Variants in CFAP47 observed in about 807,000 individuals in gnomAD.
The protein encoded by CFAP47 is cilia- and flagella-associated protein 47.
Under a neutral mutation model 148.1 loss-of-function variants are expected in CFAP47, and 29 were observed. The observed-to-expected ratio is 0.20, with a 90% CI of 0.15 to 0.27. The LOEUF is 0.27. Among genes scored for constraint, CFAP47 ranks in the 10% least tolerant of loss-of-function variants. The pLI, the probability that CFAP47 is intolerant of heterozygous loss-of-function variation, is 1.00. For synonymous variants in CFAP47, 664 were observed against 577.3 expected (o/e 1.15, Z -2.15); for missense variants, 1,872 against 1,697.5 (o/e 1.10, Z -1.81).
chrX:36,069,084 A>G (rs1156355604), intron 27 of CFAP47, among the ~76,000 whole-genome samples: 1 of 111,355 alleles, frequency 9.0e-6, no homozygotes, highest in Non-Finnish European at 1.9e-5. Flanking sequence ...CACACAAACT[A>G]GATGATGGCA....
At chrX:36,371,643 T>TGTGTATATATGTGTGTATACACAC (rs1941940824) in intron 62 of CFAP47, among the ~76,000 whole-genome samples, 1 of 79,860 alleles carries the variant, frequency 1.3e-5, no homozygotes, top group African/African-American at 5.5e-5. Context: ...TATACACACA[T>TGTGTATATATGTGTGTATACACAC]ATGTGTATAT....
At chrX:35,983,137 G>A (rs1936669177) in intron 15 of CFAP47, among the ~76,000 whole-genome samples, 1 of 111,459 alleles carries the variant, frequency 9.0e-6, no homozygotes. Flanking sequence ...CTAACGTTTT[G>A]TAATTCTCAT....
intron 39 of CFAP47, among the ~76,000 whole-genome samples, chrX:36,173,261 C>T (rs779949644): frequency 9.0e-6 from 1 of 111,471 alleles, no homozygotes; most frequent in African/African-American, 3.3e-5. Flanking sequence ...CTCCTGGATT[C>T]GTTAATTTTT....
chrX:36,185,821 G>A (rs1939800827), intron 40 of CFAP47, among the ~76,000 whole-genome samples: 2 of 111,347 alleles, frequency 1.8e-5, no homozygotes, highest in African/African-American at 3.3e-5. Flanking sequence ...GTGAGAATGG[G>A]CAAAGAGAGA....
At chrX:36,126,145 TG>T (rs1357526308) in intron 33 of CFAP47, among the ~76,000 whole-genome samples, 1 of 109,676 alleles carries the variant, frequency 9.1e-6, no homozygotes, top group Non-Finnish European at 1.9e-5. Flanking sequence ...CGTGCAGTTT[TG>T]TTACATAGGT....
At chrX:36,375,301 G>T in intron 62 of CFAP47, 1 of 151,845 alleles carries the variant, frequency 6.6e-6, no homozygotes, top group Non-Finnish European at 1.3e-5. Flanking sequence ...TGGTTGTTCA[G>T]GTGCGTGTTA....
intron 30 of CFAP47, among the ~76,000 whole-genome samples, chrX:36,088,787 A>C (rs1019343044): frequency 9.0e-6 from 1 of 111,429 alleles, no homozygotes. Context: ...TTATCATTTT[A>C]TGATTAATTA....
intron 17 of CFAP47, among the ~76,000 whole-genome samples, 193 bp downstream of exon 17, chrX:35,992,136 C>G (rs894288811): frequency 2.7e-5 from 3 of 111,182 alleles, no homozygotes; most frequent in Non-Finnish European, 5.7e-5. Context: ...CTTAGCCTCC[C>G]TGTTTCTTCT....
chrX:35,929,823 A>G (rs748489745), intron 2 of CFAP47, among the ~76,000 whole-genome samples: 7 of 109,607 alleles, frequency 6.4e-5, no homozygotes, highest in Non-Finnish European at 1.3e-4. Context: ...ACATGGAGAA[A>G]CCTCGTCTCT....
chrX:36,209,380 C>T (rs1255325273), intron 45 of CFAP47, among the ~76,000 whole-genome samples: 1 of 111,289 alleles, frequency 9.0e-6, no homozygotes, highest in Non-Finnish European at 1.9e-5. Flanking sequence ...AGGATTGCCA[C>T]AATTGTAAAG....
At chrX:36,231,040 A>G (rs1413124117) in intron 46 of CFAP47, among the ~76,000 whole-genome samples, 1 of 105,620 alleles carries the variant, frequency 9.5e-6, no homozygotes, top group Non-Finnish European at 1.9e-5. Flanking sequence ...GAAGTCAGGT[A>G]GTGTGATGCC....
intron 27 of CFAP47, among the ~76,000 whole-genome samples, chrX:36,068,986 T>G (rs1937696305): frequency 9.1e-6 from 1 of 109,550 alleles, no homozygotes; most frequent in African/African-American, 3.3e-5. Context: ...AAAGATTTTT[T>G]TGACGAATAT....
chrX:36,222,106 TAAC>T (rs1486605644), intron 45 of CFAP47, among the ~76,000 whole-genome samples: 4 of 111,736 alleles, frequency 3.6e-5, no homozygotes, highest in Non-Finnish European at 7.5e-5. Flanking sequence ...AATGTGCACT[TAAC>T]AACTTTTCAG....
At chrX:35,980,533 C>T (rs1936628470) in intron 15 of CFAP47, among the ~76,000 whole-genome samples, 1 of 112,052 alleles carries the variant, frequency 8.9e-6, no homozygotes, top group Non-Finnish European at 1.9e-5. Context: ...AATTCCTGAT[C>T]ATCTTTCATG....
chrX:36,324,066 C>T (rs1243390686), intron 57 of CFAP47, among the ~76,000 whole-genome samples: 2 of 111,596 alleles, frequency 1.8e-5, no homozygotes, highest in Non-Finnish European at 3.8e-5. Context: ...AGTGAAGAAT[C>T]TTAACCTGCC....
intron 57 of CFAP47, among the ~76,000 whole-genome samples, chrX:36,322,070 C>T (rs1231203650): frequency 9.1e-6 from 1 of 110,406 alleles, no homozygotes; most frequent in South Asian, 3.8e-4. Flanking sequence ...TTTGATTGCC[C>T]CTCACTTAAT....
rs187670737 is a variant in CFAP47, at chrX:36,239,122, A to G, written c.7332+2263A>G. On this transcript the variant is annotated intron_variant, in intron 48 of 63. Coordinates refer to ENST00000378653, the MANE Select transcript of CFAP47 (RefSeq NM_001304548.2). ...AGAGAACATAAATGAGATATAGGTA[A>G]AATGCTATAGAATTTTATCAAATTA... Among the ~76,000 whole-genome samples, 3 of 112,598 alleles carry G rather than the reference A, an allele frequency of 2.7e-5. No homozygotes were observed. The East Asian group carries it at 8.4e-4, about 31-fold the overall frequency.
intron 18 of CFAP47, among the ~76,000 whole-genome samples, chrX:35,995,440 C>T (rs954427329): frequency 9.0e-6 from 1 of 111,142 alleles, no homozygotes; most frequent in South Asian, 3.8e-4. Context: ...AAGCTGGGAC[C>T]AGAAAGATGG....
At chrX:35,987,231 G>C (rs950910726) in intron 15 of CFAP47, among the ~76,000 whole-genome samples, 1 of 111,611 alleles carries the variant, frequency 9.0e-6, no homozygotes, top group East Asian at 2.8e-4. Context: ...CAGGTGCTCT[G>C]TCCCAGGGAG....
Sources: allele counts gnomAD v4.1 joint callset (sites outside exome capture counted in the v4.1 genomes callset), GRCh38; gene constraint gnomAD v4.1.1; transcripts MANE v1.5; gene names NCBI Gene and HGNC (gene_info 2026-07-23, HGNC 2026-07-21).